CHL1: variants seen among roughly 807,000 people sequenced by gnomAD.
CHL1 encodes the protein cell adhesion molecule L1 like.
CHL1 carries 96 observed loss-of-function variants against 141.9 expected under a neutral mutation model. That is an observed-to-expected ratio of 0.68 (90% CI 0.57 to 0.80). The LOEUF is 0.80. CHL1 is among the 30% of genes least tolerant of loss of function. The pLI is 0.00. For missense variants in CHL1, 1,820 were observed against 1,457.2 expected (o/e 1.25, Z -4.05); for synonymous variants, 613 against 502.2 (o/e 1.22, Z -2.95).
intron 2 of CHL1, among the ~76,000 whole-genome samples, chr3:268,854 C>A (rs1695388449): frequency 6.6e-6 from 1 of 152,182 alleles, no homozygotes; most frequent in South Asian, 2.1e-4. Context: ...TACCTCTCTT[C>A]CAGTATTCGA....
chr3:257,353 C>CTTCTTCTTCTTCTTT (rs1694266914), intron 2 of CHL1, among the ~76,000 whole-genome samples: 5 of 137,166 alleles, frequency 3.6e-5, no homozygotes, highest in African/African-American at 1.4e-4. Flanking sequence ...TTTTCTTCTT[C>CTTCTTCTTCTTCTTT]TTTTTTTTTT....
chr3:276,952 T>C (rs1574937363), intron 2 of CHL1, among the ~76,000 whole-genome samples: 1 of 150,718 alleles, frequency 6.6e-6, no homozygotes, highest in Middle Eastern at 3.4e-3. Context: ...CCGGGTTCCA[T>C]TCTAAAGCAC....
intron 1 of CHL1, among the ~76,000 whole-genome samples, chr3:241,534 A>G (rs1692559789): frequency 6.6e-6 from 1 of 150,822 alleles, no homozygotes; most frequent in Admixed American, 6.6e-5. Flanking sequence ...TTTTTACTGT[A>G]TCTTGCTCTT....
Position 238,612 on chromosome 3 carries a change from T to C in CHL1, c.-174-6001T>C, listed in dbSNP as rs190725773. Among the ~76,000 whole-genome samples the C allele has an allele frequency of 2.0e-5, 3 of 152,146 alleles. No individual in the cohort carries two copies. The East Asian group carries it at 5.8e-4, about 29-fold the overall frequency. ...CCTGGACTTAAGGAACTCAAAATCT[T>C]GCATAAAACATTGTAAAGAAACCCT... is the stretch of plus-strand genomic sequence containing the variant. On this transcript the variant is annotated intron_variant, in intron 1 of 27. Coordinates refer to ENST00000256509, the MANE Select transcript of CHL1 (RefSeq NM_006614.4).
rs1704784185 is a variant in CHL1, at chr3:365,676, G to T, written c.1586-274G>T. Among the ~76,000 whole-genome samples the T allele has an allele frequency of 3.3e-5, 5 of 152,124 alleles. No homozygotes were observed. The South Asian group carries it at 1.0e-3, about 31-fold the overall frequency. ...TTATTTTCAACTTCTAGAGACATTT[G>T]TTTGCTTATACTTTGCTTACTCCCT... On this transcript the variant is annotated intron_variant, in intron 14 of 27. Coordinates refer to ENST00000256509, the MANE Select transcript of CHL1 (RefSeq NM_006614.4).
At chr3:249,393 A>C (rs1693474986) in intron 2 of CHL1, among the ~76,000 whole-genome samples, 2 of 152,176 alleles carry the variant, frequency 1.3e-5, no homozygotes, top group South Asian at 4.1e-4. Flanking sequence ...GAGGGAAAAA[A>C]ATCAGAAAGA....
chr3:227,393 T>C (rs1026725936), intron 1 of CHL1, among the ~76,000 whole-genome samples: 2 of 152,202 alleles, frequency 1.3e-5, no homozygotes, highest in Admixed American at 1.3e-4. Context: ...ATTGTGACTC[T>C]GAGCAAAAGA....
chr3:402,711 A>G (rs562505635), intron 27 of CHL1, among the ~76,000 whole-genome samples: 1 of 152,296 alleles, frequency 6.6e-6, no homozygotes, highest in South Asian at 2.1e-4. Context: ...ATTTTTCTGT[A>G]TTCTACTTAG....
intron 2 of CHL1, among the ~76,000 whole-genome samples, chr3:291,112 C>T (rs1379138800): frequency 6.6e-6 from 1 of 151,702 alleles, no homozygotes; most frequent in Non-Finnish European, 1.5e-5. Context: ...ACCAGGGTTG[C>T]CTGTTTAATA....
In CHL1 at chr3:219,578, T is replaced by C. The variant is rs141905996; in HGVS notation, c.-175+22515T>C. The stretch of plus-strand genomic sequence containing the variant: ...CTGGAGGCTATTATCCTTAGCAAAC[T>C]AATGCAGGACCTAATGCAGGAAAAC... On this transcript the variant is annotated intron_variant, in intron 1 of 27. Coordinates refer to ENST00000256509, the MANE Select transcript of CHL1 (RefSeq NM_006614.4). Among the ~76,000 whole-genome samples, 127 of 152,286 alleles carry C rather than the reference T, an allele frequency of 8.3e-4. 2 individuals carry two copies. The South Asian group carries it at 0.022, about 27-fold the overall frequency.
intron 1 of CHL1, among the ~76,000 whole-genome samples, chr3:242,228 TTCTAAAGGATGG>T (rs1441483432): frequency 2.0e-5 from 3 of 152,194 alleles, no homozygotes; most frequent in Non-Finnish European, 2.9e-5. Context: ...TCTTGTTTCA[TTCTAAAGGATGG>T]TCTGTGCATC....
intron 2 of CHL1, among the ~76,000 whole-genome samples, chr3:290,553 A>G (rs1251036029): frequency 1.3e-5 from 2 of 152,190 alleles, no homozygotes; most frequent in African/African-American, 4.8e-5. Context: ...ATTGAATGAC[A>G]AATTCTAATT....
chr3:341,878 T>A (rs1033759006), intron 6 of CHL1, 34 bp from the exon 7 acceptor site: 4 of 1,526,588 alleles, frequency 2.6e-6, no homozygotes, highest in Non-Finnish European at 2.7e-6. Flanking sequence ...TAAGGGACAA[T>A]TGCCCTTTTC....
At chr3:373,714 G>A (rs969098999) in intron 15 of CHL1, 2 of 152,324 alleles carry the variant, frequency 1.3e-5, no homozygotes, top group Admixed American at 6.5e-5. Context: ...GTGGGGCTTC[G>A]GGGTTGTGAT....
intron 2 of CHL1, among the ~76,000 whole-genome samples, chr3:315,535 G>A (rs574221302): frequency 6.6e-6 from 1 of 152,248 alleles, no homozygotes; most frequent in South Asian, 2.1e-4. Flanking sequence ...ACATCAAGGG[G>A]ATCTATGTGG....
chr3:360,153 G>T, intron 11 of CHL1, 131 bp from the exon 12 acceptor site: 1 of 882,556 alleles, frequency 1.1e-6, no homozygotes, highest in Non-Finnish European at 1.7e-6. Flanking sequence ...CTAAAGAATT[G>T]GCTTCAATGA....
intron 24 of CHL1, 101 bp from the exon 25 acceptor site, chr3:398,126 G>A (rs1321258104): frequency 3.2e-6 from 2 of 617,884 alleles, no homozygotes; most frequent in Non-Finnish European, 5.0e-6. Flanking sequence ...GAGAAAATAT[G>A]GTATAAGTGA....
intron 1 of CHL1, among the ~76,000 whole-genome samples, chr3:239,653 G>T (rs949197286): frequency 8.6e-5 from 13 of 150,848 alleles, no homozygotes; most frequent in Non-Finnish European, 1.8e-4. Context: ...GGTGGTATTT[G>T]GTTGCGTAAG....
chr3:198,423 C>A (rs531252509), intron 1 of CHL1, among the ~76,000 whole-genome samples: 327 of 152,306 alleles, frequency 2.1e-3, no homozygotes, highest in African/African-American at 7.4e-3. Context: ...CTGGTGGGCC[C>A]CCCGGGCTCG....
Sources: gnomAD v4.1 joint callset for allele counts (sites outside exome capture counted in the v4.1 genomes callset) on GRCh38, gnomAD v4.1.1 for gene constraint, MANE v1.5 for transcripts, NCBI Gene and HGNC (gene_info 2026-07-23, HGNC 2026-07-21) for gene names.